The following SOCS5 variants were observed in gnomAD, a reference collection of about 807,000 sequenced individuals.
SOCS5 encodes the protein CIS-6.
Under a neutral mutation model 42.8 loss-of-function variants are expected in SOCS5, and 32 were observed. The ratio of observed to expected loss-of-function variants is 0.75; its 90% CI spans 0.56 to 1.01. The LOEUF is 1.01. Ranked by LOEUF, SOCS5 falls within the 50% of genes least tolerant of loss-of-function variation. The pLI is 0.00. For missense variants in SOCS5, 627 were observed against 653.0 expected (o/e 0.96, Z 0.43); for synonymous variants, 283 against 229.6 (o/e 1.23, Z -2.10).
At chr2:46,721,113 AGAGCT>A (rs2103712280) in intron 1 of SOCS5, among the ~76,000 whole-genome samples, 1 of 152,300 alleles carries the variant, frequency 6.6e-6, no homozygotes, top group African/African-American at 2.4e-5. Context: ...TTTTCATGGC[AGAGCT>A]GAGACTCCTT....
chr2:46,742,371 G>C (rs1673398567), intron 1 of SOCS5, among the ~76,000 whole-genome samples: 1 of 119,394 alleles, frequency 8.4e-6, no homozygotes, highest in African/African-American at 3.4e-5. Flanking sequence ...CTTAGTAGCT[G>C]GTCTGTAGAC....
At chr2:46,741,164 C>A (rs1296415328) in intron 1 of SOCS5, among the ~76,000 whole-genome samples, 2 of 152,134 alleles carry the variant, frequency 1.3e-5, no homozygotes, top group African/African-American at 4.8e-5. Context: ...TTTCATTATT[C>A]ATTTCTTCTG....
intron 1 of SOCS5, among the ~76,000 whole-genome samples, chr2:46,738,993 T>G (rs538794090): frequency 1.9e-3 from 296 of 152,362 alleles, no homozygotes; most frequent in Non-Finnish European, 2.5e-3. Context: ...ATGAGCATTA[T>G]ATTCTTAAAT....
intron 1 of SOCS5, among the ~76,000 whole-genome samples, chr2:46,736,648 A>G (rs1673252397): frequency 6.6e-6 from 1 of 152,182 alleles, no homozygotes; most frequent in African/African-American, 2.4e-5. Flanking sequence ...AGCATGTGTT[A>G]GAATATCCTT....
chr2:46,751,842 T>C (rs1410997151), intron 1 of SOCS5, among the ~76,000 whole-genome samples: 1 of 152,170 alleles, frequency 6.6e-6, no homozygotes, highest in African/African-American at 2.4e-5. Flanking sequence ...CCACTGGTTG[T>C]TGTATAGCCC....
rs201737941 is a variant in SOCS5, at chr2:46,758,681, A to G, written c.151A>G (p.Thr51Ala). Reference sequence around the variant, plus strand: ...GAAAAACATCAGCATAGGAGACTCAACTCCTCAGCAACAAAGCAGTCCCTT... The same window carrying G: ...GAAAAACATCAGCATAGGAGACTCAGCTCCTCAGCAACAAAGCAGTCCCTT... ...KEKNISIGDS[T>A]PQQQSSPLRE... The change falls in exon 2 of 2, where the codon ACT becomes GCT. Residue 51 changes from threonine to alanine, a missense_variant. Coordinates refer to ENST00000394861, the MANE Select transcript of SOCS5 (RefSeq NM_144949.3). The G allele has an allele frequency of 2.7e-4, 432 of 1,613,968 alleles. No individual in the cohort carries two copies. Among genetic ancestry groups the G allele is most frequent in the Admixed American group, 5.2e-4 (31 of 59,982 alleles).
intron 1 of SOCS5, among the ~76,000 whole-genome samples, chr2:46,700,381 T>G (rs1672313557): frequency 6.6e-6 from 1 of 152,244 alleles, no homozygotes; most frequent in African/African-American, 2.4e-5. Context: ...AACTACACCT[T>G]GAAATTCTTG....
chr2:46,722,964 A>T (rs1379722322), intron 1 of SOCS5, among the ~76,000 whole-genome samples: 1 of 152,026 alleles, frequency 6.6e-6, no homozygotes, highest in Non-Finnish European at 1.5e-5. Flanking sequence ...CTTTTCAGTG[A>T]ACTCTGTTCA....
At chr2:46,720,769 G>A (rs1427424000) in intron 1 of SOCS5, among the ~76,000 whole-genome samples, 2 of 152,102 alleles carry the variant, frequency 1.3e-5, no homozygotes, top group South Asian at 2.1e-4. Context: ...GGGGTCCCTG[G>A]GACTGTGAGG....
At chr2:46,717,398 A>G (rs1449345043) in intron 1 of SOCS5, among the ~76,000 whole-genome samples, 2 of 152,070 alleles carry the variant, frequency 1.3e-5, no homozygotes, top group East Asian at 3.9e-4. Context: ...TATTTTGTCT[A>G]GTTTTCTACT....
intron 1 of SOCS5, among the ~76,000 whole-genome samples, chr2:46,743,003 A>G (rs1202139405): frequency 6.6e-6 from 1 of 152,122 alleles, no homozygotes; most frequent in Admixed American, 6.6e-5. Context: ...TGTTTTTACA[A>G]TCCGATGAAA....
intron 1 of SOCS5, among the ~76,000 whole-genome samples, chr2:46,750,020 T>G (rs1666985656): frequency 6.6e-6 from 1 of 152,226 alleles, no homozygotes; most frequent in Non-Finnish European, 1.5e-5. Flanking sequence ...ATTTCTATCA[T>G]CACATCCAAC....
chr2:46,711,957 C>G (rs748447252), intron 1 of SOCS5, among the ~76,000 whole-genome samples: 1 of 152,182 alleles, frequency 6.6e-6, no homozygotes, highest in African/African-American at 2.4e-5. Context: ...GCCACTATGA[C>G]ACTGTCTTGA....
At chr2:46,727,424 C>G (rs1165910257) in intron 1 of SOCS5, among the ~76,000 whole-genome samples, 1 of 152,032 alleles carries the variant, frequency 6.6e-6, no homozygotes, top group Non-Finnish European at 1.5e-5. Context: ...AGATTGCATC[C>G]TGGGCATCTT....
chr2:46,759,294 T>C lies in SOCS5; in HGVS notation c.764T>C (p.Val255Ala). Residue 255 changes from valine (V) to alanine (A), a missense_variant, in exon 2 of 2, where the codon GTT (valine) becomes GCT (alanine). By Grantham distance (64) the Val-to-Ala change is moderately conservative. This residue lies in a region of SOCS5 where 340 missense variants were observed against 367.6 expected (regional missense o/e 0.92). Coordinates refer to ENST00000394861, the MANE Select transcript of SOCS5 (RefSeq NM_144949.3). ...TTTGATACATTTGATCCATCTTTGG[T>C]TTCTACAGAAGATGAAGAAGATAGG... is the stretch of plus-strand genomic sequence containing the variant. Reference protein sequence around the residue: ...TFFDTFDPSLVSTEDEEDRLR... With the variant: ...TFFDTFDPSLASTEDEEDRLR... 6.2e-7 allele frequency: 1 copy of C among 1,614,002 alleles called. No individual in the cohort carries two copies. The highest frequency in any genetic ancestry group is 8.5e-7 in the Non-Finnish European group (1 of 1,179,866).
chr2:46,706,068 A>G (rs1672457149), intron 1 of SOCS5, among the ~76,000 whole-genome samples: 1 of 152,220 alleles, frequency 6.6e-6, no homozygotes, highest in Non-Finnish European at 1.5e-5. Context: ...TATGTTAAAC[A>G]TTGTTGGGCA....
intron 1 of SOCS5, among the ~76,000 whole-genome samples, chr2:46,718,820 AAGT>A (rs1261563757): frequency 6.6e-6 from 1 of 152,212 alleles, no homozygotes; most frequent in Non-Finnish European, 1.5e-5. Flanking sequence ...GAAAAGAATA[AAGT>A]ATTGGCAAAT....
chr2:46,737,172 A>C (rs1673272218), intron 1 of SOCS5, among the ~76,000 whole-genome samples: 1 of 152,228 alleles, frequency 6.6e-6, no homozygotes, highest in Non-Finnish European at 1.5e-5. Flanking sequence ...TAAATCTTAA[A>C]AGTAGATCCA....
chr2:46,743,687 T>G (rs72802460), intron 1 of SOCS5, among the ~76,000 whole-genome samples: 18,616 of 152,226 alleles, frequency 0.12, 1,272 homozygotes, highest in Non-Finnish European at 0.15. Flanking sequence ...CCCTACTCAG[T>G]ATGGTTCACA....
Sources: gnomAD v4.1 joint callset for allele counts (sites outside exome capture counted in the v4.1 genomes callset) on GRCh38, gnomAD v4.1.1 for gene constraint, gnomAD v4.1.1 regional missense constraint, MANE v1.5 for transcripts, NCBI Gene and HGNC (gene_info 2026-07-23, HGNC 2026-07-21) for gene names.